The following NEXMIF variants were observed in gnomAD, a reference collection of about 807,000 sequenced individuals.
The protein encoded by NEXMIF is XLMR protein related to neurite extension.
NEXMIF carries 8 observed loss-of-function variants against 62.1 expected under a neutral mutation model. The ratio of observed to expected loss-of-function variants is 0.13; its 90% CI spans 0.08 to 0.23. The LOEUF is 0.23. Ranked by LOEUF, NEXMIF falls within the 10% of genes least tolerant of loss-of-function variation. NEXMIF has a pLI of 1.00. For missense variants in NEXMIF, 976 were observed against 1,113.3 expected (o/e 0.88, Z 1.75); for synonymous variants, 404 against 416.6 (o/e 0.97, Z 0.37).
chrX:74,741,849 T>A lies in NEXMIF; in HGVS notation c.2708A>T (p.Glu903Val), dbSNP rs2080105582. 8.3e-7 allele frequency: 1 copy of A among 1,210,390 alleles called. No homozygotes were observed. The highest frequency in any genetic ancestry group is 1.7e-5 in the African/African-American group (1 of 57,344). The change falls in exon 3 of 4, where the codon GAA becomes GTA. Residue 903 changes from glutamate (E) to valine (V), a missense_variant. Around this residue, in one of 5 missense-constraint regions of NEXMIF, gnomAD observed 639 missense variants for 694.5 expected, o/e 0.92. Coordinates refer to ENST00000055682, the MANE Select transcript of NEXMIF (RefSeq NM_001008537.3). ...ATSGTQEFMAEVSREIAPTQS... is the reference protein window; with the variant it reads ...ATSGTQEFMAVVSREIAPTQS... The stretch of plus-strand genomic sequence containing the variant: ...GGTTGGGGCTATCTCCCTTGAGACT[T>A]CAGCCATGAATTCCTGGGTGCCAGA...
intron 1 of NEXMIF, among the ~76,000 whole-genome samples, chrX:74,912,269 G>T (rs1369904478): frequency 9.0e-6 from 1 of 111,410 alleles, no homozygotes; most frequent in Non-Finnish European, 1.9e-5. Flanking sequence ...AGATGCCAAA[G>T]AAACCCTAGA....
chrX:74,756,001 G>A (rs1280192454), intron 1 of NEXMIF, among the ~76,000 whole-genome samples: 1 of 111,936 alleles, frequency 8.9e-6, no homozygotes, highest in African/African-American at 3.2e-5. Flanking sequence ...TCAGCCTCCT[G>A]AGTAGCTGGG....
chrX:74,820,750 C>T (rs1434446232), intron 1 of NEXMIF, among the ~76,000 whole-genome samples: 2 of 111,875 alleles, frequency 1.8e-5, no homozygotes, highest in Admixed American at 9.5e-5. Flanking sequence ...AATGCAGGAA[C>T]ATTTCTGTTC....
chrX:74,771,304 A>T (rs761662537), intron 1 of NEXMIF, among the ~76,000 whole-genome samples: 1 of 111,008 alleles, frequency 9.0e-6, no homozygotes, highest in East Asian at 2.9e-4. Context: ...TGGCTCCAGC[A>T]TGAAGGTGGT....
At chrX:74,857,953 GGAA>G (rs1336608064) in intron 1 of NEXMIF, among the ~76,000 whole-genome samples, 6 of 111,890 alleles carry the variant, frequency 5.4e-5, no homozygotes, top group African/African-American at 9.8e-5. Flanking sequence ...TGGAAGAGTG[GGAA>G]GAAGAACTGT....
At chrX:74,751,491 T>C (rs1419301034) in intron 1 of NEXMIF, among the ~76,000 whole-genome samples, 5 of 108,760 alleles carry the variant, frequency 4.6e-5, no homozygotes, top group African/African-American at 1.7e-4. Context: ...TGTCTCTCTC[T>C]CTTTTTTTTT....
chrX:74,916,798 A>G (rs891582896), intron 1 of NEXMIF, among the ~76,000 whole-genome samples: 1 of 112,236 alleles, frequency 8.9e-6, no homozygotes, highest in Non-Finnish European at 1.9e-5. Flanking sequence ...AATGCATTGA[A>G]TTAGGAAAAT....
chrX:74,873,232 T>C (rs1476906075), intron 1 of NEXMIF, among the ~76,000 whole-genome samples: 1 of 110,434 alleles, frequency 9.1e-6, no homozygotes, highest in Admixed American at 9.8e-5. Context: ...TGAGTGAGAA[T>C]ATGCGGTGTT....
At chrX:74,876,542 T>C (rs1363639566) in intron 1 of NEXMIF, among the ~76,000 whole-genome samples, 2 of 106,767 alleles carry the variant, frequency 1.9e-5, no homozygotes, top group Non-Finnish European at 3.9e-5. Flanking sequence ...TTCCTGGGTA[T>C]CCTTGTTGAC....
chrX:74,778,057 A>C (rs1012614942), intron 1 of NEXMIF, among the ~76,000 whole-genome samples: 3 of 111,832 alleles, frequency 2.7e-5, no homozygotes, highest in Non-Finnish European at 3.8e-5. Flanking sequence ...AAATGGCTGC[A>C]GACCTTGAGC....
At chrX:74,787,043 G>A (rs2080262542) in intron 1 of NEXMIF, among the ~76,000 whole-genome samples, 1 of 102,020 alleles carries the variant, frequency 9.8e-6, no homozygotes, top group African/African-American at 3.6e-5. Flanking sequence ...GGCAGATCAC[G>A]AGGTCAGGAG....
At chrX:74,899,157 A>T (rs971475830) in intron 1 of NEXMIF, among the ~76,000 whole-genome samples, 2 of 111,681 alleles carry the variant, frequency 1.8e-5, no homozygotes, top group African/African-American at 6.5e-5. Flanking sequence ...TTCCTCGACA[A>T]TCAGGAACAA....
chrX:74,859,511 G>C, intron 1 of NEXMIF, among the ~76,000 whole-genome samples: 1 of 111,445 alleles, frequency 9.0e-6, no homozygotes. Flanking sequence ...ATGCTAAATG[G>C]AGTACTTCAA....
chrX:74,854,453 T>C (rs1338280071), intron 1 of NEXMIF, among the ~76,000 whole-genome samples: 1 of 111,300 alleles, frequency 9.0e-6, no homozygotes, highest in East Asian at 2.8e-4. Flanking sequence ...TATGTAAACA[T>C]AATAAAGAGC....
chrX:74,787,031 C>T (rs779699980), intron 1 of NEXMIF, among the ~76,000 whole-genome samples: 23 of 99,281 alleles, frequency 2.3e-4, no homozygotes, highest in East Asian at 3.6e-4. Flanking sequence ...GAGGCTGAGG[C>T]GGGCAGATCA....
intron 1 of NEXMIF, among the ~76,000 whole-genome samples, chrX:74,874,328 C>T (rs62610658): frequency 9.7e-6 from 1 of 103,255 alleles, no homozygotes; most frequent in Admixed American, 1.1e-4. Context: ...TTTCTGAGGG[C>T]TCTGTTCTGT....
intron 1 of NEXMIF, among the ~76,000 whole-genome samples, chrX:74,876,531 A>G (rs1440756136): frequency 1.9e-5 from 2 of 107,388 alleles, no homozygotes; most frequent in Admixed American, 2.0e-4. Context: ...GCTGAGTTCA[A>G]TTCCTGGGTA....
At chrX:74,739,773 A>C (rs902722596) in intron 3 of NEXMIF, among the ~76,000 whole-genome samples, 4 of 110,495 alleles carry the variant, frequency 3.6e-5, no homozygotes, top group African/African-American at 9.9e-5. Context: ...AAAGCCTTTC[A>C]CTTCCAAAAA....
rs190250608 is a variant in NEXMIF, at chrX:74,734,587, A to T, written c.*4818T>A. 8.0e-5 allele frequency: 9 copies of T among 112,380 alleles called. No individual in the cohort carries two copies. The highest frequency in any genetic ancestry group is 1.7e-4 in the Non-Finnish European group (9 of 53,162). 9.3% of individuals were successfully genotyped at this position (112,380 alleles called of 1,213,427 possible). ...CCCTGAGCTTGTTAGATGGACAGAC[A>T]TCCTTTCCATCTTATGTGGATGAGT... is the stretch of plus-strand genomic sequence containing the variant. On this transcript the variant is annotated 3_prime_UTR_variant, in exon 4 of 4. Coordinates refer to ENST00000055682, the MANE Select transcript of NEXMIF (RefSeq NM_001008537.3).
Sources: gnomAD v4.1 joint callset for allele counts (sites outside exome capture counted in the v4.1 genomes callset) on GRCh38, gnomAD v4.1.1 for gene constraint, gnomAD v4.1.1 regional missense constraint, MANE v1.5 for transcripts, NCBI Gene and HGNC (gene_info 2026-07-23, HGNC 2026-07-21) for gene names.